DTX1: variants seen among roughly 807,000 people sequenced by gnomAD.
DTX1 encodes deltex E3 ubiquitin ligase 1, also known as E3 ubiquitin-protein ligase DTX1.
In DTX1, 26 loss-of-function variants were observed where a neutral mutation model predicts 57.8. The observed-to-expected ratio is 0.45, with a 90% CI of 0.33 to 0.62. The LOEUF is 0.62. DTX1 is among the 20% of genes least tolerant of loss of function. The pLI, the probability that DTX1 is intolerant of heterozygous loss-of-function variation, is 0.02. For synonymous variants in DTX1, 398 were observed against 394.1 expected, an observed-to-expected ratio of 1.01 and a Z score of -0.12; for missense variants, 704 against 895.3, an observed-to-expected ratio of 0.79 and a Z score of 2.73.
At position 113,094,144 on chromosome 12, in the gene DTX1, G is replaced by T. The variant is rs564935992; in HGVS notation, c.1227+45G>T. On this transcript the variant is annotated intron_variant, in intron 6 of 9. Transcript: ENST00000548759. ...GCTGGGGGAGGGCCCTGGCATGGAG[G>T]GGGCAGGAACCCTCACCCCTCCTCC... 3.3e-6 allele frequency: 5 copies of T among 1,519,260 alleles called. No individual in the cohort carries two copies. The South Asian group carries it at 4.8e-5, about 15-fold the overall frequency. 94.1% of individuals were successfully genotyped at this position (1,519,260 alleles called of 1,614,324 possible).
At position 113,057,860 on chromosome 12, in the gene DTX1, A is replaced by C; in HGVS notation, c.-333A>C. 3.2e-6 allele frequency: 1 copy of C among 316,350 alleles called. No homozygotes were observed. Among genetic ancestry groups the C allele is most frequent in the Non-Finnish European group, 5.8e-6 (1 of 171,178 alleles). The allele number at this position is 316,350 out of a possible 1,614,324, so 19.6% of individuals were successfully genotyped here. A position where few individuals can be genotyped will look rare whatever the true frequency, so the allele number is the denominator to read the frequency against. The stretch of plus-strand genomic sequence containing the variant: ...CAACACGGAAGAGGCTGGACCTCGA[A>C]CAGGGGCGGCTGCCTCACTCCCTAC... On this transcript the variant is annotated 5_prime_UTR_variant, in exon 2 of 10. Coordinates refer to ENST00000548759, the MANE Select transcript of DTX1 (RefSeq NM_004416.3).
intron 3 of DTX1, chr12:113,089,859 C>A (rs1381928245): frequency 6.6e-6 from 1 of 152,228 alleles, no homozygotes. Context: ...CTAAATCCTT[C>A]CCTTCCTGGA....
rs1323921226 is a variant in DTX1, at chr12:113,093,593, C to A, written c.1058C>A (p.Ala353Asp). Residue 353 changes from alanine to aspartate, a missense_variant, in exon 5 of 10, where the codon GCC becomes GAC. By Grantham distance (126) the Ala-to-Asp change is moderately radical (BLOSUM62 -2). This residue lies in a region of DTX1 where 299 missense variants were observed against 311.2 expected (regional missense o/e 0.96). Coordinates refer to ENST00000548759, the MANE Select transcript of DTX1 (RefSeq NM_004416.3). The surrounding 1 kb of genome is among the most constrained non-coding windows in gnomAD (Gnocchi z 4.2). Reference protein sequence around the residue: ...AAGLPVCLTRAPKPILHPPPV... With the variant: ...AAGLPVCLTRDPKPILHPPPV... ...GGGCTGCCCGTGTGCCTGACGCGGG[C>A]CCCCAAGCCCATCCTGCACCCGCCG... 1 of 1,611,686 alleles carries A rather than the reference C, an allele frequency of 6.2e-7. No homozygotes were observed. The highest frequency in any genetic ancestry group is 1.7e-5 in the Admixed American group (1 of 59,860).
At chr12:113,088,790 G>T (rs1950224201) in intron 3 of DTX1, among the ~76,000 whole-genome samples, 2 of 152,018 alleles carry the variant, frequency 1.3e-5, no homozygotes, top group Non-Finnish European at 2.9e-5. Context: ...CAGGAGGTCA[G>T]GTCCAGACCA....
intron 2 of DTX1, among the ~76,000 whole-genome samples, chr12:113,060,214 C>T (rs1174079677): frequency 6.6e-6 from 1 of 152,144 alleles, no homozygotes; most frequent in African/African-American, 2.4e-5. Context: ...TGCATTCCAT[C>T]ATATGATTAT....
chr12:113,086,852 C>T (rs1005092819), intron 3 of DTX1, among the ~76,000 whole-genome samples: 2 of 148,856 alleles, frequency 1.3e-5, no homozygotes, highest in Non-Finnish European at 3.0e-5. Flanking sequence ...CCCCGCTAGC[C>T]ACTGGTGTGC....
At chr12:113,096,643 G>A (rs577475256) in intron 9 of DTX1, 72 bp from the exon 10 acceptor site, 2 of 1,436,178 alleles carry the variant, frequency 1.4e-6, no homozygotes, top group South Asian at 2.6e-5. Context: ...GGGGAGGGAG[G>A]GAGGCTGAGG....
In DTX1 at chr12:113,077,780, C is replaced by T. The variant is rs1379721784; in HGVS notation, c.616C>T (p.Leu206=). The stretch of plus-strand genomic sequence containing the variant: ...CCAGCCCTGCTCCTGCCAGCAGTGC[C>T]TGCTGGTCAACAGCACGCGCGCCGC... ...SGQPCSCQQC[L]LVNSTRAASN... Residue 206 remains leucine, a synonymous_variant, in exon 3 of 10, where the codon CTG becomes TTG. Coordinates refer to ENST00000548759, the MANE Select transcript of DTX1 (RefSeq NM_004416.3). The surrounding 1 kb of genome is among the most constrained non-coding windows in gnomAD (Gnocchi z 7.8). 1 of 1,519,992 alleles carries T rather than the reference C, an allele frequency of 6.6e-7. No homozygotes were observed. Among genetic ancestry groups the T allele is most frequent in the East Asian group, 2.5e-5 (1 of 40,230 alleles). 94.2% of individuals were successfully genotyped at this position (1,519,992 alleles called of 1,614,324 possible). A position where few individuals can be genotyped will look rare whatever the true frequency, so the allele number is the denominator to read the frequency against.
chr12:113,081,727 G>A (rs956567942), intron 3 of DTX1, among the ~76,000 whole-genome samples: 1 of 152,138 alleles, frequency 6.6e-6, no homozygotes, highest in African/African-American at 2.4e-5. Context: ...AGAGGTGTGG[G>A]GAGGGCTGGA....
chr12:113,087,453 G>A (rs903372745), intron 3 of DTX1, among the ~76,000 whole-genome samples: 1 of 152,136 alleles, frequency 6.6e-6, no homozygotes, highest in Non-Finnish European at 1.5e-5. Context: ...AGTGGGGGTG[G>A]CGGCAGGGAC....
chr12:113,092,252 T>C lies in DTX1; in HGVS notation c.942-910T>C, dbSNP rs369731717. 2.8e-4 allele frequency among the ~76,000 whole-genome samples: 42 copies of C among 152,192 alleles called. No individual in the cohort carries two copies. In the South Asian group the frequency reaches 8.7e-3, roughly 32 times the overall value. On this transcript the variant is annotated intron_variant, in intron 3 of 9. Coordinates refer to ENST00000548759, the MANE Select transcript of DTX1 (RefSeq NM_004416.3). Reference sequence around the variant, plus strand: ...AGTGATGATACCGATGGCTGTGCTTTTAGTAGCTGTTAGGTACCAGGAACT... The same window carrying C: ...AGTGATGATACCGATGGCTGTGCTTCTAGTAGCTGTTAGGTACCAGGAACT...
rs776388027 is a variant in DTX1 at position 113,095,061 on chromosome 12, C to G, written c.1406C>G (p.Pro469Arg). 1 of 1,611,936 alleles carries G rather than the reference C, an allele frequency of 6.2e-7. No homozygotes were observed. The highest frequency in any genetic ancestry group is 1.7e-5 in the Admixed American group (1 of 59,994). ...NGNKDGSLQCPTCKAIYGEKT... is the reference protein window; with the variant it reads ...NGNKDGSLQCRTCKAIYGEKT... ...GCCCAGGATGGCAGCCTGCAGTGCCCCACCTGCAAGGCCATCTACGGGGAG... is the reference window on the plus strand; with the variant it reads ...GCCCAGGATGGCAGCCTGCAGTGCCGCACCTGCAAGGCCATCTACGGGGAG... Residue 469 changes from proline (P) to arginine (R), a missense_variant, in exon 8 of 10, where the codon CCC becomes CGC. Pro to Arg is a moderately radical substitution (Grantham distance 103). This residue lies in a region of DTX1 where 168 missense variants were observed against 255.6 expected (regional missense o/e 0.66). Coordinates refer to ENST00000548759, the MANE Select transcript of DTX1 (RefSeq NM_004416.3).
Position 113,097,940 on chromosome 12 carries a change from C to A in DTX1, c.*1001C>A, listed in dbSNP as rs1950334275. On this transcript the variant is annotated 3_prime_UTR_variant, in exon 10 of 10. Coordinates refer to ENST00000548759, the MANE Select transcript of DTX1 (RefSeq NM_004416.3). ...GATTGGCTGCCACGGTGGGAGTCAGCCAAGATTTAAAGGGATGCCAGCGAT... is the reference window on the plus strand; with the variant it reads ...GATTGGCTGCCACGGTGGGAGTCAGACAAGATTTAAAGGGATGCCAGCGAT... 6.6e-6 allele frequency: 1 copy of A among 152,668 alleles called. No individual in the cohort carries two copies. 9.5% of individuals were successfully genotyped at this position (152,668 alleles called of 1,614,324 possible).
chr12:113,063,871 T>A (rs2044682894), intron 2 of DTX1, among the ~76,000 whole-genome samples: 1 of 152,112 alleles, frequency 6.6e-6, no homozygotes, highest in Admixed American at 6.5e-5. Context: ...CCTCCAGAAT[T>A]AGACACCAAC....
intron 3 of DTX1, among the ~76,000 whole-genome samples, chr12:113,084,095 T>C (rs1186187789): frequency 6.6e-6 from 1 of 152,198 alleles, no homozygotes; most frequent in African/African-American, 2.4e-5. Flanking sequence ...TCATCTAGGG[T>C]CACCCAGCCA....
At position 113,077,855 on chromosome 12, in the gene DTX1, C is replaced by T; in HGVS notation, c.691C>T (p.Pro231Ser). ...SQRRKAPPAPPLPPPPPPGGP... is the reference protein window; with the variant it reads ...SQRRKAPPAPSLPPPPPPGGP... ...GCGCCGCAAGGCGCCCCCCGCGCCC[C>T]CGCTGCCGCCGCCGCCGCCACCTGG... Residue 231 changes from proline to serine, a missense_variant, in exon 3 of 10, where the codon CCG (proline) becomes TCG (serine). Pro to Ser is a moderately conservative substitution (Grantham distance 74). Transcript: ENST00000548759. This position sits in a 1 kb window ranked among gnomAD's most constrained non-coding sequence, Gnocchi z 7.8. 7.6e-6 allele frequency: 10 copies of T among 1,320,596 alleles called. No individual in the cohort carries two copies. Among genetic ancestry groups the T allele is most frequent in the Non-Finnish European group, 8.6e-6 (9 of 1,045,366 alleles). 81.8% of individuals were successfully genotyped at this position (1,320,596 alleles called of 1,614,324 possible).
chr12:113,072,981 A>G (rs1213948581), intron 2 of DTX1, among the ~76,000 whole-genome samples: 2 of 152,106 alleles, frequency 1.3e-5, no homozygotes, highest in Non-Finnish European at 2.9e-5. Flanking sequence ...TGTTGGGATT[A>G]CAGGCATGAG....
At chr12:113,064,914 G>A (rs1220791766) in intron 2 of DTX1, among the ~76,000 whole-genome samples, 21 of 152,204 alleles carry the variant, frequency 1.4e-4, no homozygotes. Flanking sequence ...GGAGTCCTTT[G>A]AGAGTGTGTG....
intron 2 of DTX1, among the ~76,000 whole-genome samples, chr12:113,067,329 C>T (rs1243142861): frequency 6.6e-6 from 1 of 152,048 alleles, no homozygotes; most frequent in East Asian, 1.9e-4. Context: ...TTCCTCTGTT[C>T]TAGGGGGCGA....
Sources: gnomAD v4.1 joint callset for allele counts (sites outside exome capture counted in the v4.1 genomes callset) on GRCh38, gnomAD v4.1.1 for gene constraint, gnomAD v4.1.1 regional missense constraint, Gnocchi (gnomAD v3.1) non-coding constraint, MANE v1.5 for transcripts, NCBI Gene and HGNC (gene_info 2026-07-23, HGNC 2026-07-21) for gene names.